RB1: variants seen among roughly 807,000 people sequenced by gnomAD.
RB1 encodes the protein RB transcriptional corepressor 1, also known as retinoblastoma-associated protein.
RB1 carries 18 observed loss-of-function variants against 135.4 expected under a neutral mutation model. The ratio of observed to expected loss-of-function variants is 0.13; its 90% confidence interval spans 0.09 to 0.20. The LOEUF (loss-of-function observed/expected upper bound fraction) is 0.20. Ranked by LOEUF, RB1 falls within the 10% of genes least tolerant of loss-of-function variation. The pLI, the probability that RB1 is intolerant of heterozygous loss-of-function variation, is 1.00. For missense variants in RB1, 868 were observed against 1,110.0 expected (o/e 0.78, Z 3.10); for synonymous variants, 365 against 373.2 (o/e 0.98, Z 0.25).
In RB1 at chr13:48,471,931, CT is replaced by C. The variant is rs566710038; in HGVS notation, c.2490-1427del. On this transcript the variant is annotated intron_variant, in intron 23 of 26. Transcript: ENST00000267163. ...CACCTTGGGCAGGTCTCTATCTGTACTTCACAAGGGTGCTGTGGATCAGGGA... is the reference window on the plus strand; with the variant it reads ...CACCTTGGGCAGGTCTCTATCTGTACTCACAAGGGTGCTGTGGATCAGGGA... Among the ~76,000 whole-genome samples, 5 of 152,290 alleles carry C rather than the reference CT, an allele frequency of 3.3e-5. No homozygotes were observed. In the East Asian group the frequency reaches 9.6e-4, roughly 29 times the overall value.
chr13:48,321,254 C>T (rs1952236103), intron 2 of RB1, among the ~76,000 whole-genome samples: 1 of 151,892 alleles, frequency 6.6e-6, no homozygotes, highest in Non-Finnish European at 1.5e-5. Flanking sequence ...GTGACACTCC[C>T]TTTTTGATAT....
intron 2 of RB1, among the ~76,000 whole-genome samples, chr13:48,335,868 C>T (rs922309228): frequency 6.6e-6 from 1 of 151,826 alleles, no homozygotes; most frequent in Non-Finnish European, 1.5e-5. Flanking sequence ...ATATGAGAAT[C>T]ATCTGTATAT....
intron 2 of RB1, among the ~76,000 whole-genome samples, chr13:48,323,295 GT>G (rs746725477): frequency 3.0e-4 from 46 of 151,818 alleles, no homozygotes; most frequent in Non-Finnish European, 1.5e-4. Flanking sequence ...AAGTTACCTA[GT>G]TCATTGGCAA....
intron 19 of RB1, 35 bp from the exon 20 acceptor site, chr13:48,459,653 A>T (rs1479844576): frequency 6.2e-7 from 1 of 1,611,072 alleles, no homozygotes. Flanking sequence ...TTCAAAATGA[A>T]CAGTAAAAAT....
At chr13:48,419,185 T>G (rs1266390776) in intron 17 of RB1, among the ~76,000 whole-genome samples, 1 of 152,116 alleles carries the variant, frequency 6.6e-6, no homozygotes, top group Non-Finnish European at 1.5e-5. Context: ...CATAACACAG[T>G]CTCTGAGACC....
At chr13:48,447,113 C>G (rs994256567) in intron 17 of RB1, among the ~76,000 whole-genome samples, 1 of 151,990 alleles carries the variant, frequency 6.6e-6, no homozygotes, top group Non-Finnish European at 1.5e-5. Context: ...ATATGACTTG[C>G]CTGGTGTCTT....
At chr13:48,317,080 GC>G in intron 2 of RB1, 1 of 849,470 alleles carries the variant, frequency 1.2e-6, no homozygotes, top group Non-Finnish European at 1.6e-6. Flanking sequence ...CTTGGCCAGG[GC>G]CCGCCGTCCT....
intron 17 of RB1, among the ~76,000 whole-genome samples, chr13:48,450,364 G>A (rs1161515564): frequency 1.3e-5 from 2 of 152,028 alleles, no homozygotes; most frequent in African/African-American, 4.8e-5. Context: ...AATTCTCCGA[G>A]GACCATTTAT....
At chr13:48,365,078 T>G (rs77796139) in intron 9 of RB1, 107 bp downstream of exon 9, 2 of 1,340,130 alleles carry the variant, frequency 1.5e-6, no homozygotes, top group Non-Finnish European at 2.0e-6. Flanking sequence ...ATTTTTTTTT[T>G]GCCCAAGAAG....
chr13:48,467,191 C>G (rs1949450987), intron 23 of RB1, among the ~76,000 whole-genome samples: 1 of 88,250 alleles, frequency 1.1e-5, no homozygotes, highest in South Asian at 5.8e-4. Context: ...GAAAGCCCAT[C>G]AGACTAACAG....
chr13:48,332,964 A>G (rs1952350112), intron 2 of RB1: 1 of 398,064 alleles, frequency 2.5e-6, no homozygotes, highest in Non-Finnish European at 4.4e-6. Flanking sequence ...AACAATTATG[A>G]CAAGATGCTG....
chr13:48,360,176 T>A, intron 7 of RB1, 49 bp downstream of exon 7: 1 of 1,607,384 alleles, frequency 6.2e-7, no homozygotes, highest in South Asian at 1.1e-5. Context: ...AGCAGTTGCT[T>A]ATTGAATGTC....
At chr13:48,320,579 T>A in intron 2 of RB1, 1 of 416,366 alleles carries the variant, frequency 2.4e-6, no homozygotes, top group Non-Finnish European at 4.5e-6. Flanking sequence ...AAGCCCGTAA[T>A]CACAGCACTT....
intron 4 of RB1, among the ~76,000 whole-genome samples, chr13:48,346,099 CTTTTTTT>C (rs35882805): frequency 8.5e-6 from 1 of 117,138 alleles, no homozygotes; most frequent in African/African-American, 3.2e-5. Context: ...CATTGGCCAT[CTTTTTTT>C]TTTTTTTTTT....
At chr13:48,456,386 A>G in intron 19 of RB1, 37 bp downstream of exon 19, 1 of 1,609,528 alleles carries the variant, frequency 6.2e-7, no homozygotes, top group Non-Finnish European at 8.5e-7. Context: ...ATGGACTCTG[A>G]AACTAGGCTG....
intron 17 of RB1, among the ~76,000 whole-genome samples, chr13:48,402,304 A>G (rs1000631661): frequency 2.0e-5 from 3 of 151,382 alleles, no homozygotes; most frequent in African/African-American, 7.3e-5. Flanking sequence ...AAACGTTTGC[A>G]CATTTCAGTT....
At chr13:48,459,129 C>T (rs1432794220) in intron 19 of RB1, among the ~76,000 whole-genome samples, 2 of 152,140 alleles carry the variant, frequency 1.3e-5, no homozygotes, top group Non-Finnish European at 2.9e-5. Context: ...TACTTCCCAC[C>T]TCTGCCCCAA....
intron 17 of RB1, among the ~76,000 whole-genome samples, chr13:48,400,790 A>T (rs1002240897): frequency 2.6e-5 from 4 of 152,150 alleles, no homozygotes; most frequent in African/African-American, 9.6e-5. Context: ...AGTAATTAGA[A>T]ACATAACAAT....
At position 48,380,054 on chromosome 13, in the gene RB1, A is replaced by G; in HGVS notation, c.1391A>G (p.Glu464Gly). 1 of 1,345,978 alleles carries G rather than the reference A, an allele frequency of 7.4e-7. No individual in the cohort carries two copies. Among genetic ancestry groups the G allele is most frequent in the Non-Finnish European group, 1.0e-6 (1 of 993,924 alleles). 83.4% of individuals were successfully genotyped at this position (1,345,978 alleles called of 1,614,324 possible). The change falls in exon 15 of 27, where the codon GAA becomes GGA. Residue 464 changes from glutamate to glycine, a missense_variant and splice_region_variant. Glu to Gly is a moderately conservative substitution (Grantham distance 98). Transcript: ENST00000267163. ...TTTTTTTTAAATTATCTGTTTCAGGAAGAAGAACGATTATCCATTCAAAAT... is the reference window on the plus strand; with the variant it reads ...TTTTTTTTAAATTATCTGTTTCAGGGAGAAGAACGATTATCCATTCAAAAT... ...YRVMESMLKS[E>G]EERLSIQNFS... is the part of the protein sequence containing the mutation.
Sources: gnomAD v4.1 joint callset for allele counts (sites outside exome capture counted in the v4.1 genomes callset) on GRCh38, gnomAD v4.1.1 for gene constraint, MANE v1.5 for transcripts, NCBI Gene and HGNC (gene_info 2026-07-23, HGNC 2026-07-21) for gene names.